The following MIX23 variants were observed in gnomAD, a reference collection of about 807,000 sequenced individuals.
MIX23 encodes mitochondrial matrix import factor 23.
In MIX23, 13 loss-of-function variants were observed where a neutral mutation model predicts 21.6. That is an observed-to-expected ratio of 0.60 (90% CI 0.39 to 0.96). The LOEUF (loss-of-function observed/expected upper bound fraction) is 0.96, where lower values mean the gene tolerates loss of function less well. Ranked by LOEUF, MIX23 falls within the 40% of genes least tolerant of loss-of-function variation. The pLI, the probability that MIX23 is intolerant of heterozygous loss-of-function variation, is 0.00. For missense variants in MIX23, 144 were observed against 171.2 expected (o/e 0.84, Z 0.89); for synonymous variants, 59 against 58.0 (o/e 1.02, Z -0.08).
intron 1 of MIX23, among the ~76,000 whole-genome samples, chr3:122,381,565 T>C (rs1054663542): frequency 2.6e-5 from 4 of 151,878 alleles, no homozygotes; most frequent in African/African-American, 4.8e-5. Flanking sequence ...CCATCTCTAC[T>C]AAAAATACAA....
intron 1 of MIX23, among the ~76,000 whole-genome samples, chr3:122,372,485 CAAG>C (rs1366818965): frequency 1.3e-5 from 2 of 151,986 alleles, no homozygotes; most frequent in African/African-American, 4.8e-5. Flanking sequence ...CAAACAAGAA[CAAG>C]AACAACAACA....
chr3:122,368,136 A>G, intron 3 of MIX23, 40 bp downstream of exon 3: 1 of 1,601,308 alleles, frequency 6.2e-7, no homozygotes, highest in Non-Finnish European at 8.5e-7. Context: ...CTACAATTGG[A>G]AAAACTTTGC....
intron 1 of MIX23, among the ~76,000 whole-genome samples, chr3:122,378,483 G>A (rs2075505537): frequency 6.6e-6 from 1 of 152,218 alleles, no homozygotes; most frequent in South Asian, 2.1e-4. Flanking sequence ...TGATTCTGTT[G>A]TGTGAACATC....
chr3:122,366,953 A>C (rs1356772956), intron 3 of MIX23, among the ~76,000 whole-genome samples: 2 of 152,158 alleles, frequency 1.3e-5, no homozygotes, highest in Non-Finnish European at 2.9e-5. Flanking sequence ...ACAAAAAAAA[A>C]ACCATGATTT....
chr3:122,373,563 C>T (rs548690928), intron 1 of MIX23, among the ~76,000 whole-genome samples: 5 of 152,184 alleles, frequency 3.3e-5, no homozygotes, highest in African/African-American at 7.2e-5. Context: ...CAAAAGCCAC[C>T]GCACCCAGCC....
rs370370916 is a variant in MIX23 at position 122,379,054 on chromosome 3, T to C, written c.51+4120A>G. On this transcript the variant is annotated intron_variant, in intron 1 of 4. Transcript: ENST00000291458. ...GACAACCCCTAAACTGATAATGTACTTGTTCAGGAATTGCTGAAAACTGTA... is the reference window on the plus strand; with the variant it reads ...GACAACCCCTAAACTGATAATGTACCTGTTCAGGAATTGCTGAAAACTGTA... Among the ~76,000 whole-genome samples, 10 of 152,178 alleles carry C rather than the reference T, an allele frequency of 6.6e-5. No individual in the cohort carries two copies. The East Asian group carries it at 1.7e-3, about 26-fold the overall frequency.
At chr3:122,381,599 G>A (rs1207622618) in intron 1 of MIX23, among the ~76,000 whole-genome samples, 6 of 151,920 alleles carry the variant, frequency 3.9e-5, no homozygotes, top group Admixed American at 6.6e-5. Flanking sequence ...ACGGTGGTAG[G>A]CGCCTATAAT....
intron 1 of MIX23, among the ~76,000 whole-genome samples, chr3:122,377,194 G>A (rs900609842): frequency 1.3e-5 from 2 of 151,962 alleles, no homozygotes; most frequent in African/African-American, 4.8e-5. Context: ...AAAGAAACCT[G>A]TATATGTACC....
intron 4 of MIX23, among the ~76,000 whole-genome samples, chr3:122,360,680 A>T (rs1450836760): frequency 6.6e-6 from 1 of 152,042 alleles, no homozygotes; most frequent in East Asian, 1.9e-4. Flanking sequence ...ATTGAAAAGA[A>T]TTTTTTCTCA....
chr3:122,359,648 C>G lies in MIX23; in HGVS notation c.*221G>C. The stretch of plus-strand genomic sequence containing the variant: ...CAAAAATTTTTTTTTTTTTTTTTTA[C>G]AGAATCAGTATAAAATAGCAGTTGA... On this transcript the variant is annotated 3_prime_UTR_variant, in exon 5 of 5. Transcript: ENST00000291458. 2 of 183,656 alleles carry G rather than the reference C, an allele frequency of 1.1e-5. No homozygotes were observed. Among genetic ancestry groups the G allele is most frequent in the Non-Finnish European group, 9.9e-6 (1 of 100,650 alleles). 11.4% of individuals were successfully genotyped at this position (183,656 alleles called of 1,614,324 possible). A position where few individuals can be genotyped will look rare whatever the true frequency, so the allele number is the denominator to read the frequency against.
intron 4 of MIX23, among the ~76,000 whole-genome samples, chr3:122,360,717 T>C (rs1157928131): frequency 6.6e-6 from 1 of 152,162 alleles, no homozygotes; most frequent in Non-Finnish European, 1.5e-5. Flanking sequence ...ATCATTAATG[T>C]AAAGAACAAA....
At chr3:122,376,275 T>C (rs1003313722) in intron 1 of MIX23, among the ~76,000 whole-genome samples, 3 of 150,578 alleles carry the variant, frequency 2.0e-5, no homozygotes, top group Non-Finnish European at 4.4e-5. Context: ...AAAGAAAATA[T>C]GGTGTACGTA....
In MIX23 at chr3:122,371,655, G is replaced by C. The variant is rs1215260086; in HGVS notation, c.177+20C>G. 1 of 1,610,938 alleles carries C rather than the reference G, an allele frequency of 6.2e-7. No individual in the cohort carries two copies. The highest frequency in any genetic ancestry group is 8.5e-7 in the Non-Finnish European group (1 of 1,179,364). On this transcript the variant is annotated intron_variant, in intron 2 of 4. Coordinates refer to ENST00000291458, the MANE Select transcript of MIX23 (RefSeq NM_001017928.4). ...AAAGAAAGGCATGAAAGAAGCAAAA[G>C]ACTCAAAAAATACACTTACAGACTC...
chr3:122,361,113 G>A (rs1186355530), intron 4 of MIX23, among the ~76,000 whole-genome samples: 1 of 152,166 alleles, frequency 6.6e-6, no homozygotes, highest in African/African-American at 2.4e-5. Context: ...CCAAAGTGCT[G>A]GGATTACAGG....
At chr3:122,374,119 T>TA (rs369902989) in intron 1 of MIX23, among the ~76,000 whole-genome samples, 2,069 of 136,628 alleles carry the variant, frequency 0.015, 68 homozygotes, top group African/African-American at 0.051. Flanking sequence ...TTTTTTTTTT[T>TA]AAAAAAAAAG....
chr3:122,362,228 T>G (rs1367557568), intron 4 of MIX23, among the ~76,000 whole-genome samples: 2 of 152,172 alleles, frequency 1.3e-5, no homozygotes, highest in East Asian at 3.9e-4. Context: ...TAATAACAAG[T>G]TTTATGATCA....
At chr3:122,378,803 T>C (rs186256422) in intron 1 of MIX23, among the ~76,000 whole-genome samples, 1 of 152,370 alleles carries the variant, frequency 6.6e-6, no homozygotes, top group African/African-American at 2.4e-5. Context: ...TATCAATATA[T>C]GATCTAGAGC....
At chr3:122,367,555 C>T (rs2075406218) in intron 3 of MIX23, among the ~76,000 whole-genome samples, 1 of 152,068 alleles carries the variant, frequency 6.6e-6, no homozygotes, top group African/African-American at 2.4e-5. Context: ...AAAGTAAAAA[C>T]ACTGCAGGGA....
intron 1 of MIX23, among the ~76,000 whole-genome samples, chr3:122,374,768 G>A (rs1419400425): frequency 6.6e-6 from 1 of 152,056 alleles, no homozygotes; most frequent in Admixed American, 6.5e-5. Context: ...TCCTGAAGGG[G>A]GAGATAGAAA....
Sources: allele counts gnomAD v4.1 joint callset (sites outside exome capture counted in the v4.1 genomes callset), GRCh38; gene constraint gnomAD v4.1.1; transcripts MANE v1.5; gene names NCBI Gene and HGNC (gene_info 2026-07-23, HGNC 2026-07-21).